KIRREL3: variants seen among roughly 807,000 people sequenced by gnomAD.
The protein encoded by KIRREL3 is kirre like nephrin family adhesion molecule 3.
A neutral mutation model predicts 89.7 loss-of-function variants in KIRREL3; 36 were observed. The ratio of observed to expected loss-of-function variants is 0.40; its 90% CI spans 0.31 to 0.53. The LOEUF is 0.53. KIRREL3 is among the 20% of genes least tolerant of loss of function. The pLI, the probability that KIRREL3 is intolerant of heterozygous loss-of-function variation, is 0.49. For synonymous variants in KIRREL3, 445 were observed against 441.4 expected, an observed-to-expected ratio of 1.01 and a Z score of -0.10; for missense variants, 864 against 1,056.6, an observed-to-expected ratio of 0.82 and a Z score of 2.53.
Position 126,931,254 on chromosome 11 carries a change from G to T in KIRREL3, c.55+69201C>A, listed in dbSNP as rs368037457. ...ACTGTTGTTATCTCCAGAACCTATC[G>T]CAGTGTCTGGCACATAGGATGTACT... On this transcript the variant is annotated intron_variant, in intron 1 of 16. Coordinates refer to ENST00000525144, the MANE Select transcript of KIRREL3 (RefSeq NM_032531.4). This position sits in a 1 kb window ranked among gnomAD's most constrained non-coding sequence, Gnocchi z 5.1. Among the ~76,000 whole-genome samples, 11 of 152,240 alleles carry T rather than the reference G, an allele frequency of 7.2e-5. No individual in the cohort carries two copies. Among genetic ancestry groups the T allele is most frequent in the East Asian group, 1.9e-4 (1 of 5,174 alleles).
rs911376202 is a variant in KIRREL3 at position 126,612,331 on chromosome 11, G to A, written c.56-49419C>T. Among the ~76,000 whole-genome samples, 6 of 151,830 alleles carry A rather than the reference G, an allele frequency of 4.0e-5. No homozygotes were observed. The highest frequency in any genetic ancestry group is 8.8e-5 in the Non-Finnish European group (6 of 67,990). ...TTTGAGTATTATATGGACACCCCTG[G>A]CATAGAATAAATGCTCCCTCAGTAT... On this transcript the variant is annotated intron_variant, in intron 1 of 16. Coordinates refer to ENST00000525144, the MANE Select transcript of KIRREL3 (RefSeq NM_032531.4). This position sits in a 1 kb window ranked among gnomAD's most constrained non-coding sequence, Gnocchi z 4.5.
chr11:126,556,617 A>G (rs1939726335), intron 2 of KIRREL3, among the ~76,000 whole-genome samples: 1 of 152,134 alleles, frequency 6.6e-6, no homozygotes, highest in Admixed American at 6.6e-5. Context: ...TAGCAGAATG[A>G]AACCTTGTTT....
intron 1 of KIRREL3, among the ~76,000 whole-genome samples, chr11:126,825,796 C>T (rs1368086686): frequency 6.6e-6 from 1 of 152,156 alleles, no homozygotes; most frequent in Non-Finnish European, 1.5e-5. Context: ...CCACTATCCT[C>T]GTTTCACAGA....
chr11:126,531,108 G>A lies in KIRREL3; in HGVS notation c.134-4421C>T, dbSNP rs1428029630. 1.3e-5 allele frequency among the ~76,000 whole-genome samples: 2 copies of A among 152,040 alleles called. No individual in the cohort carries two copies. Among genetic ancestry groups the A allele is most frequent in the East Asian group, 1.9e-4 (1 of 5,160 alleles). On this transcript the variant is annotated intron_variant, in intron 2 of 16. Transcript: ENST00000525144. The surrounding 1 kb of genome is among the most constrained non-coding windows in gnomAD (Gnocchi z 4.7). Reference sequence around the variant, plus strand: ...CTCCCAAAGTGTTGGGATTACGAGCGTGAGCCACCATGCCCGGCCCCATGC... The same window carrying A: ...CTCCCAAAGTGTTGGGATTACGAGCATGAGCCACCATGCCCGGCCCCATGC...
chr11:126,440,663 C>A (rs1427560903), intron 10 of KIRREL3, 114 bp from the exon 11 acceptor site: 3 of 969,570 alleles, frequency 3.1e-6, no homozygotes, highest in African/African-American at 1.6e-5. Context: ...AAACATTTGC[C>A]GAAGGCCTGT....
rs979371646 is a variant in KIRREL3 at position 126,953,826 on chromosome 11, G to A, written c.55+46629C>T. Among the ~76,000 whole-genome samples the A allele has an allele frequency of 6.6e-6, 1 of 152,278 alleles. No individual in the cohort carries two copies. The highest frequency in any genetic ancestry group is 2.1e-4 in the South Asian group (1 of 4,820). On this transcript the variant is annotated intron_variant, in intron 1 of 16. Transcript: ENST00000525144. The surrounding 1 kb of genome is among the most constrained non-coding windows in gnomAD (Gnocchi z 5.2). ...GATATACTGTTTTTATATAAATTCT[G>A]CAGTGACTTTTCCCTGGTGTTATTA...
chr11:126,873,727 T>C (rs1484572247), intron 1 of KIRREL3, among the ~76,000 whole-genome samples: 7 of 152,062 alleles, frequency 4.6e-5, no homozygotes, highest in Non-Finnish European at 7.4e-5. Flanking sequence ...TGAACAGGAG[T>C]CCAGGCATCT....
At chr11:126,533,811 C>T (rs890097096) in intron 2 of KIRREL3, among the ~76,000 whole-genome samples, 2 of 152,200 alleles carry the variant, frequency 1.3e-5, no homozygotes, top group Non-Finnish European at 2.9e-5. Context: ...ATACCACCAC[C>T]TTGTGGAGAT....
At chr11:126,907,831 A>T (rs567957705) in intron 1 of KIRREL3, among the ~76,000 whole-genome samples, 4 of 152,016 alleles carry the variant, frequency 2.6e-5, no homozygotes, top group Admixed American at 2.6e-4. Context: ...ACCACACTGA[A>T]CTTTTGAGTT....
At chr11:126,447,967 G>A (rs1043069316) in intron 8 of KIRREL3, among the ~76,000 whole-genome samples, 1 of 152,184 alleles carries the variant, frequency 6.6e-6, no homozygotes. Context: ...CTGCCTTGCT[G>A]CGGGTCCCTG....
rs901964369 is a variant in KIRREL3, at chr11:126,653,518, A to C, written c.56-90606T>G. Among the ~76,000 whole-genome samples the C allele has an allele frequency of 3.3e-5, 5 of 152,206 alleles. No homozygotes were observed. Among genetic ancestry groups the C allele is most frequent in the Admixed American group, 1.3e-4 (2 of 15,278 alleles). ...ATATGAAATGGTTCTGAAAGATGTA[A>C]AGAGCAATATAAACACCAGATACGG... On this transcript the variant is annotated intron_variant, in intron 1 of 16. Transcript: ENST00000525144. This position sits in a 1 kb window ranked among gnomAD's most constrained non-coding sequence, Gnocchi z 5.4.
At position 126,623,565 on chromosome 11, in the gene KIRREL3, C is replaced by G. The variant is rs1591831207; in HGVS notation, c.56-60653G>C. ...GAATCTTGCATGATGGAAGAGGAAA[C>G]CAGGTAAGAGTGAGCAAGCAGGATG... On this transcript the variant is annotated intron_variant, in intron 1 of 16. Transcript: ENST00000525144. This position sits in a 1 kb window ranked among gnomAD's most constrained non-coding sequence, Gnocchi z 4.1. Among the ~76,000 whole-genome samples, 1 of 152,034 alleles carries G rather than the reference C, an allele frequency of 6.6e-6. No homozygotes were observed. The highest frequency in any genetic ancestry group is 6.5e-5 in the Admixed American group (1 of 15,278).
chr11:126,777,319 G>A (rs1396242708), intron 1 of KIRREL3, among the ~76,000 whole-genome samples: 1 of 152,194 alleles, frequency 6.6e-6, no homozygotes, highest in African/African-American at 2.4e-5. Context: ...ACCAACATGT[G>A]CAAAGCACTG....
intron 4 of KIRREL3, among the ~76,000 whole-genome samples, chr11:126,502,886 C>T (rs750597888): frequency 5.9e-5 from 9 of 152,140 alleles, no homozygotes; most frequent in African/African-American, 1.4e-4. Context: ...TTCTCTCTTG[C>T]GATGGAATCC....
At chr11:126,992,970 G>T (rs1950078987) in intron 1 of KIRREL3, among the ~76,000 whole-genome samples, 1 of 152,076 alleles carries the variant, frequency 6.6e-6, no homozygotes, top group Non-Finnish European at 1.5e-5. Context: ...CCATCCTTCT[G>T]TGCCTCCTCT....
At chr11:126,626,740 C>T (rs968352810) in intron 1 of KIRREL3, among the ~76,000 whole-genome samples, 9 of 152,214 alleles carry the variant, frequency 5.9e-5, no homozygotes, top group Non-Finnish European at 8.8e-5. Context: ...CGCCTGTAAT[C>T]CCAGCACTTT....
intron 1 of KIRREL3, among the ~76,000 whole-genome samples, chr11:126,852,195 A>T (rs915347859): frequency 1.3e-5 from 2 of 151,990 alleles, no homozygotes; most frequent in Non-Finnish European, 2.9e-5. Context: ...CTGGGACCAC[A>T]GGTGCGTGCC....
Position 126,574,435 on chromosome 11 carries a change from T to C in KIRREL3, c.56-11523A>G, listed in dbSNP as rs1941144575. On this transcript the variant is annotated intron_variant, in intron 1 of 16. Transcript: ENST00000525144. The surrounding 1 kb of genome is among the most constrained non-coding windows in gnomAD (Gnocchi z 5.3). ...GAGCATGATGGCTTTGAGTATGGAA[T>C]CAACCTCAAACAGGTCCAGGGGAGC... 6.6e-6 allele frequency among the ~76,000 whole-genome samples: 1 copy of C among 152,190 alleles called. No homozygotes were observed. Among genetic ancestry groups the C allele is most frequent in the Admixed American group, 6.5e-5 (1 of 15,276 alleles).
intron 1 of KIRREL3, among the ~76,000 whole-genome samples, chr11:126,815,947 G>A (rs1313248531): frequency 6.6e-6 from 1 of 152,178 alleles, no homozygotes; most frequent in Non-Finnish European, 1.5e-5. Context: ...ACTGGCTTAC[G>A]TAAAGTTCTT....
Sources: gnomAD v4.1 joint callset for allele counts (sites outside exome capture counted in the v4.1 genomes callset) on GRCh38, gnomAD v4.1.1 for gene constraint, Gnocchi (gnomAD v3.1) non-coding constraint, MANE v1.5 for transcripts, NCBI Gene and HGNC (gene_info 2026-07-23, HGNC 2026-07-21) for gene names.